VPS13D: variants seen among roughly 807,000 people sequenced by gnomAD.
VPS13D encodes vacuolar protein sorting 13 homolog D, also known as intermembrane lipid transfer protein VPS13D.
A neutral mutation model predicts 461.9 loss-of-function variants in VPS13D; 187 were observed. The ratio of observed to expected loss-of-function variants is 0.40; its 90% CI spans 0.36 to 0.46. The LOEUF is 0.46. VPS13D is among the 20% of genes least tolerant of loss of function. The pLI, the probability that VPS13D is intolerant of heterozygous loss-of-function variation, is 0.60. For missense variants in VPS13D, 4,711 were observed against 5,364.9 expected (o/e 0.88, Z 3.81); for synonymous variants, 1,951 against 1,986.3 (o/e 0.98, Z 0.47).
chr1:12,273,498 A>T (rs747869593), intron 18 of VPS13D, among the ~76,000 whole-genome samples: 1 of 152,166 alleles, frequency 6.6e-6, no homozygotes, highest in Non-Finnish European at 1.5e-5. Context: ...GCTATTTAAT[A>T]TCGGGAGGAC....
intron 65 of VPS13D, among the ~76,000 whole-genome samples, chr1:12,448,861 G>C (rs1645226586): frequency 6.6e-6 from 1 of 152,210 alleles, no homozygotes; most frequent in Non-Finnish European, 1.5e-5. Context: ...CAGCATCTGA[G>C]TTCACAACTG....
intron 46 of VPS13D, among the ~76,000 whole-genome samples, chr1:12,353,361 A>T (rs969530618): frequency 1.3e-5 from 2 of 151,706 alleles, no homozygotes; most frequent in African/African-American, 4.8e-5. Flanking sequence ...GTGAAACCCC[A>T]TCTCTACTAA....
chr1:12,265,395 C>A (rs914560477), intron 13 of VPS13D, among the ~76,000 whole-genome samples: 2 of 152,148 alleles, frequency 1.3e-5, no homozygotes, highest in African/African-American at 2.4e-5. Flanking sequence ...TGCTTCAGCC[C>A]CCAAAGTGCT....
At chr1:12,273,181 A>T in intron 18 of VPS13D, 46 bp downstream of exon 18, 1 of 1,602,506 alleles carries the variant, frequency 6.2e-7, no homozygotes, top group Non-Finnish European at 8.5e-7. Flanking sequence ...TGGTAGATGG[A>T]TGATCTATCT....
intron 10 of VPS13D, 43 bp from the exon 11 acceptor site, chr1:12,260,650 C>A: frequency 6.4e-7 from 1 of 1,556,976 alleles, no homozygotes; most frequent in Non-Finnish European, 8.9e-7. Context: ...GGATCTACAA[C>A]GTTTGTGTTT....
intron 52 of VPS13D, among the ~76,000 whole-genome samples, chr1:12,364,441 C>T (rs1204523373): frequency 3.9e-5 from 6 of 152,170 alleles, no homozygotes; most frequent in Non-Finnish European, 7.3e-5. Context: ...TGAACTGCTG[C>T]GAACATAGGT....
At chr1:12,460,509 T>A in intron 67 of VPS13D, 113 bp downstream of exon 67, 1 of 1,009,742 alleles carries the variant, frequency 9.9e-7, no homozygotes, top group Non-Finnish European at 1.3e-6. Context: ...GGTTTTTAAT[T>A]CAAATACTTG....
In VPS13D at chr1:12,433,140, A is replaced by T. The variant is rs569638990; in HGVS notation, c.12333+16313A>T. 1.1e-4 allele frequency among the ~76,000 whole-genome samples: 16 copies of T among 152,292 alleles called. No individual in the cohort carries two copies. The East Asian group carries it at 2.9e-3, about 28-fold the overall frequency. ...ACCCTCTTGTTCTGGAGGTGCTGAG[A>T]GCCGGCCTGGCTGGGGGCTGTAACT... On this transcript the variant is annotated intron_variant, in intron 65 of 69. Transcript: ENST00000620676.
intron 60 of VPS13D, among the ~76,000 whole-genome samples, chr1:12,399,011 A>G (rs1644536885): frequency 6.6e-6 from 1 of 152,188 alleles, no homozygotes; most frequent in Admixed American, 6.5e-5. Flanking sequence ...TGAAGTTGTC[A>G]TAAGGATGGC....
intron 48 of VPS13D, 58 bp downstream of exon 48, chr1:12,356,148 ATTTGC>A (rs1227207111): frequency 1.3e-6 from 2 of 1,536,644 alleles, no homozygotes; most frequent in Non-Finnish European, 1.8e-6. Context: ...ATTCAGATTT[ATTTGC>A]TTAGCTAACT....
chr1:12,423,143 T>A (rs1298432385), intron 65 of VPS13D, among the ~76,000 whole-genome samples: 2 of 152,194 alleles, frequency 1.3e-5, no homozygotes, highest in Non-Finnish European at 1.5e-5. Flanking sequence ...TTTACTCATG[T>A]GATATCATTT....
intron 30 of VPS13D, among the ~76,000 whole-genome samples, chr1:12,315,855 C>T (rs556234219): frequency 2.4e-4 from 37 of 151,888 alleles, no homozygotes; most frequent in Non-Finnish European, 4.6e-4. Flanking sequence ...CTCACTCTGT[C>T]GCCTAGGCTG....
chr1:12,386,262 T>C lies in VPS13D; in HGVS notation c.11562T>C (p.Leu3854=). ...KVPEELVFAS[L]TGINVHYTQL... ...CAGAAGAACTGGTCTTTGCAAGTCT[T>C]ACAGGAATCAATGTGCACTATACAC... The change falls in exon 60 of 70, where the codon CTT becomes CTC. Residue 3854 remains leucine (L), a synonymous_variant. Transcript: ENST00000620676. 1 of 1,613,906 alleles carries C rather than the reference T, an allele frequency of 6.2e-7. No homozygotes were observed. The highest frequency in any genetic ancestry group is 8.5e-7 in the Non-Finnish European group (1 of 1,179,912).
intron 60 of VPS13D, among the ~76,000 whole-genome samples, chr1:12,391,774 T>C (rs1052765657): frequency 6.6e-6 from 1 of 152,166 alleles, no homozygotes; most frequent in Non-Finnish European, 1.5e-5. Context: ...AAACAAAACA[T>C]CTTATTTTAT....
rs143924983 is a variant in VPS13D, at chr1:12,322,692, C to T, written c.7861C>T (p.Arg2621Cys). The T allele has an allele frequency of 4.0e-5, 65 of 1,614,060 alleles. No homozygotes were observed. Among genetic ancestry groups the T allele is most frequent in the African/African-American group, 3.2e-4 (24 of 74,918 alleles). ...SVGTYLPGAS[R>C]VGEEIREGTR... ...TGGCACTTACCTTCCAGGTGCATCT[C>T]GCGTTGGAGAGGAAATCAGAGAAGG... The change falls in exon 34 of 70, where the codon CGC becomes TGC. Residue 2621 changes from arginine to cysteine, a missense_variant. Arg to Cys is a radical substitution (Grantham distance 180, BLOSUM62 -3). Transcript: ENST00000620676.
intron 12 of VPS13D, among the ~76,000 whole-genome samples, chr1:12,261,368 G>A (rs548630447): frequency 3.9e-5 from 6 of 152,302 alleles, no homozygotes; most frequent in East Asian, 1.9e-4. Context: ...GAGGCAGAGC[G>A]TGTAAAAGAA....
intron 27 of VPS13D, among the ~76,000 whole-genome samples, chr1:12,310,621 A>G (rs537153996): frequency 3.3e-5 from 5 of 152,188 alleles, no homozygotes; most frequent in African/African-American, 9.7e-5. Context: ...CACTAAATCC[A>G]AAGAGTTAAA....
chr1:12,478,836 A>G (rs1570253133), intron 67 of VPS13D: 2 of 455,988 alleles, frequency 4.4e-6, no homozygotes, highest in South Asian at 3.1e-5. Context: ...ACCACAGGAA[A>G]CCTGCCTGTC....
chr1:12,404,167 A>T (rs1368119538), intron 63 of VPS13D, among the ~76,000 whole-genome samples, 194 bp downstream of exon 63: 7 of 125,814 alleles, frequency 5.6e-5, no homozygotes, highest in Admixed American at 8.3e-5. Flanking sequence ...ATTTGTCTTT[A>T]AAAAAAAAAA....
Sources: gnomAD v4.1 joint callset for allele counts (sites outside exome capture counted in the v4.1 genomes callset) on GRCh38, gnomAD v4.1.1 for gene constraint, MANE v1.5 for transcripts, NCBI Gene and HGNC (gene_info 2026-07-23, HGNC 2026-07-21) for gene names.